TCF7L2: variants seen among roughly 807,000 people sequenced by gnomAD.
The protein encoded by TCF7L2 is transcription factor 7 like 2, also known as transcription factor 7-like 2.
TCF7L2 carries 23 observed loss-of-function variants against 77.9 expected under a neutral mutation model. That is an observed-to-expected ratio of 0.30 (90% CI 0.21 to 0.42). The LOEUF is 0.42. Among genes scored for constraint, TCF7L2 ranks in the 10% least tolerant of loss-of-function variants. The pLI is 1.00. For synonymous variants in TCF7L2, 413 were observed against 340.2 expected, an observed-to-expected ratio of 1.21 and a Z score of -2.36; for missense variants, 654 against 793.1, an observed-to-expected ratio of 0.82 and a Z score of 2.11.
chr10:113,149,942 T>C (rs1202140497), intron 8 of TCF7L2, among the ~76,000 whole-genome samples: 1 of 152,186 alleles, frequency 6.6e-6, no homozygotes, highest in Non-Finnish European at 1.5e-5. Context: ...GGGTGAGTCT[T>C]CCAACCCAGT....
At chr10:112,980,120 C>G (rs1380114957) in intron 4 of TCF7L2, among the ~76,000 whole-genome samples, 1 of 152,172 alleles carries the variant, frequency 6.6e-6, no homozygotes, top group African/African-American at 2.4e-5. Context: ...AAGCATTTGT[C>G]AGGTTTATAC....
chr10:113,124,120 C>T (rs995688822), intron 5 of TCF7L2, among the ~76,000 whole-genome samples: 2 of 152,022 alleles, frequency 1.3e-5, no homozygotes, highest in Non-Finnish European at 2.9e-5. Context: ...TGGAAAGGCT[C>T]TTTTTTTGGG....
chr10:113,091,062 C>T (rs963238014), intron 5 of TCF7L2, among the ~76,000 whole-genome samples: 3 of 152,084 alleles, frequency 2.0e-5, no homozygotes, highest in Admixed American at 6.6e-5. Flanking sequence ...TTACCATACC[C>T]GGCTAATTTT....
At chr10:113,132,282 G>C (rs142055278) in intron 5 of TCF7L2, among the ~76,000 whole-genome samples, 11 of 152,312 alleles carry the variant, frequency 7.2e-5, no homozygotes, top group Non-Finnish European at 1.6e-4. Flanking sequence ...AGACTCCATG[G>C]AGTAGGCATG....
intron 4 of TCF7L2, among the ~76,000 whole-genome samples, chr10:113,018,530 C>A (rs940316028): frequency 6.8e-6 from 1 of 148,134 alleles, no homozygotes; most frequent in Non-Finnish European, 1.5e-5. Context: ...TCACTGCAAC[C>A]GCTGCCTCCC....
chr10:113,108,536 T>C (rs1289125167), intron 5 of TCF7L2, among the ~76,000 whole-genome samples: 1 of 152,196 alleles, frequency 6.6e-6, no homozygotes, highest in East Asian at 1.9e-4. Context: ...TCTAGGGACC[T>C]CCAGGCATCA....
chr10:113,064,263 G>A (rs2056938000), intron 5 of TCF7L2, among the ~76,000 whole-genome samples: 1 of 152,152 alleles, frequency 6.6e-6, no homozygotes, highest in Non-Finnish European at 1.5e-5. Context: ...GAGAGGGAGG[G>A]GCCAGGCCCA....
At chr10:113,128,023 C>T (rs1052008572) in intron 5 of TCF7L2, among the ~76,000 whole-genome samples, 2 of 152,024 alleles carry the variant, frequency 1.3e-5, no homozygotes, top group African/African-American at 4.8e-5. Context: ...TTGCAGTTTA[C>T]TTAAGAAATT....
chr10:113,097,405 C>T (rs1164992071), intron 5 of TCF7L2, among the ~76,000 whole-genome samples: 2 of 152,146 alleles, frequency 1.3e-5, no homozygotes, highest in African/African-American at 2.4e-5. Flanking sequence ...ATAATCCCAG[C>T]ACTTTGGGAA....
At position 113,160,055 on chromosome 10, in the gene TCF7L2, C is replaced by G. The variant is rs192440448; in HGVS notation, c.1319-564C>G. 2.6e-5 allele frequency: 38 copies of G among 1,447,082 alleles called. No individual in the cohort carries two copies. In the East Asian group the frequency reaches 8.0e-4, roughly 30 times the overall value. The allele number at this position is 1,447,082 out of a possible 1,614,324, so 89.6% of individuals were successfully genotyped here. ...AGCTGGTCTATTCGATCCTCTCCCCCTTCTCTGGCCTGTTGCTTTGTAGCT... is the reference window on the plus strand; with the variant it reads ...AGCTGGTCTATTCGATCCTCTCCCCGTTCTCTGGCCTGTTGCTTTGTAGCT... On this transcript the variant is annotated intron_variant, in intron 12 of 13. Transcript: ENST00000627217.
intron 12 of TCF7L2, 45 bp downstream of exon 14, chr10:113,160,037 C>G (rs2072869179): frequency 6.5e-7 from 1 of 1,547,216 alleles, no homozygotes; most frequent in South Asian, 1.1e-5. Context: ...TGCAGCTGGT[C>G]TATTCGATCC....
chr10:113,015,825 A>G (rs2047242722), intron 4 of TCF7L2, among the ~76,000 whole-genome samples: 1 of 152,098 alleles, frequency 6.6e-6, no homozygotes, highest in African/African-American at 2.4e-5. Context: ...CATGGAAGAA[A>G]GTGAAGGATG....
At chr10:113,160,161 T>C (rs2072912471) in intron 12 of TCF7L2, among the ~76,000 whole-genome samples, 169 bp downstream of exon 14, 1 of 152,034 alleles carries the variant, frequency 6.6e-6, no homozygotes. Context: ...CTTGTTCTCC[T>C]GCTGCTGCCA....
intron 5 of TCF7L2, among the ~76,000 whole-genome samples, chr10:113,073,124 G>A (rs1347687863): frequency 6.9e-6 from 1 of 144,446 alleles, no homozygotes; most frequent in African/African-American, 2.5e-5. Flanking sequence ...GTGTGTGTGT[G>A]TGTGTGAGAG....
At chr10:113,122,668 A>G (rs1158996695) in intron 5 of TCF7L2, among the ~76,000 whole-genome samples, 2 of 152,218 alleles carry the variant, frequency 1.3e-5, no homozygotes, top group Non-Finnish European at 2.9e-5. Context: ...AAAAGAGGCT[A>G]CTTCTATTTA....
At chr10:113,143,274 T>A (rs1372785641) in intron 6 of TCF7L2, among the ~76,000 whole-genome samples, 1 of 152,264 alleles carries the variant, frequency 6.6e-6, no homozygotes, top group Non-Finnish European at 1.5e-5. Context: ...CAGACGACTC[T>A]GTCCTCTAGC....
At chr10:113,028,594 G>A (rs1051916432) in intron 4 of TCF7L2, among the ~76,000 whole-genome samples, 2 of 152,192 alleles carry the variant, frequency 1.3e-5, no homozygotes, top group African/African-American at 2.4e-5. Flanking sequence ...TTCAGTTGAA[G>A]TTGGAGGACA....
intron 5 of TCF7L2, among the ~76,000 whole-genome samples, chr10:113,136,855 A>T (rs1363135038): frequency 6.6e-6 from 1 of 152,200 alleles, no homozygotes; most frequent in Non-Finnish European, 1.5e-5. Flanking sequence ...GCAGTTTTGA[A>T]CACAATTCTT....
intron 5 of TCF7L2, among the ~76,000 whole-genome samples, chr10:113,105,972 T>G (rs1270553440): frequency 6.6e-6 from 1 of 152,166 alleles, no homozygotes; most frequent in Non-Finnish European, 1.5e-5. Context: ...GGAGATTAAT[T>G]GGGACTGTCC....
Sources: allele counts gnomAD v4.1 joint callset (sites outside exome capture counted in the v4.1 genomes callset), GRCh38; gene constraint gnomAD v4.1.1; transcripts MANE v1.5; gene names NCBI Gene and HGNC (gene_info 2026-07-23, HGNC 2026-07-21).